The following MAP3K1 variants were observed in gnomAD, a reference collection of about 807,000 sequenced individuals.
MAP3K1 encodes MAP/ERK kinase kinase 1.
Under a neutral mutation model 144.2 loss-of-function variants are expected in MAP3K1, and 36 were observed. The observed-to-expected ratio is 0.25, with a 90% CI of 0.19 to 0.33. The LOEUF (loss-of-function observed/expected upper bound fraction) is 0.33, where lower values mean the gene tolerates loss of function less well. Among genes scored for constraint, MAP3K1 ranks in the 10% least tolerant of loss-of-function variants. The pLI is 1.00. For missense variants in MAP3K1, 1,650 were observed against 1,881.9 expected (o/e 0.88, Z 2.28); for synonymous variants, 718 against 688.7 (o/e 1.04, Z -0.67).
intron 1 of MAP3K1, among the ~76,000 whole-genome samples, chr5:56,825,899 C>G (rs535664939): frequency 2.0e-4 from 30 of 152,250 alleles, no homozygotes; most frequent in African/African-American, 7.2e-4. Context: ...TTCAGCAGCC[C>G]CTCAGAATGG....
Position 56,872,695 on chromosome 5 carries a change from C to T in MAP3K1, c.1478C>T (p.Ser493Phe). 6.2e-7 allele frequency: 1 copy of T among 1,608,214 alleles called. No homozygotes were observed. ...CCTTTAATATGTCCCCTTTGTAGAT[C>T]TAAGTGGAGATCTCATGATTTCTAC... ...REPLICPLCR[S>F]KWRSHDFYSH... The change falls in exon 8 of 20, where the codon TCT (serine) becomes TTT (phenylalanine). Residue 493 changes from serine to phenylalanine, a missense_variant. Around this residue, in one of 6 missense-constraint regions of MAP3K1, gnomAD observed 841 missense variants for 886.5 expected, o/e 0.95. Transcript: ENST00000399503.
intron 1 of MAP3K1, among the ~76,000 whole-genome samples, chr5:56,833,312 CA>C (rs1270579351): frequency 6.6e-6 from 1 of 152,236 alleles, no homozygotes; most frequent in Non-Finnish European, 1.5e-5. Flanking sequence ...TTAATACATA[CA>C]TTTTTTTGCC....
chr5:56,832,989 A>T (rs1438438684), intron 1 of MAP3K1, among the ~76,000 whole-genome samples: 3 of 152,212 alleles, frequency 2.0e-5, no homozygotes, highest in Non-Finnish European at 4.4e-5. Flanking sequence ...CTCCTGCCTC[A>T]GCCTCCCTAG....
At position 56,884,742 on chromosome 5, in the gene MAP3K1, C is replaced by A; in HGVS notation, c.3898C>A (p.His1300Asn). The A allele has an allele frequency of 6.2e-7, 1 of 1,613,650 alleles. No homozygotes were observed. The highest frequency in any genetic ancestry group is 2.2e-5 in the East Asian group (1 of 44,794). ...AAGAGAAGAGATAAGAATGATGAGC[C>A]ATCTGAATCATCCAAACATCATTAG... ...ALREEIRMMS[H>N]LNHPNIIRML... The change falls in exon 16 of 20, where the codon CAT (histidine) becomes AAT (asparagine). Residue 1300 changes from histidine to asparagine, a missense_variant. Physicochemically the swap from His to Asn is moderately conservative, Grantham distance 68. Transcript: ENST00000399503.
chr5:56,892,307 TC>T, intron 19 of MAP3K1, among the ~76,000 whole-genome samples: 1 of 152,314 alleles, frequency 6.6e-6, no homozygotes, highest in Non-Finnish European at 1.5e-5. Context: ...GAATGGGAGT[TC>T]ACTCATGATT....
At chr5:56,866,813 T>G (rs902845194) in intron 6 of MAP3K1, among the ~76,000 whole-genome samples, 18 of 152,156 alleles carry the variant, frequency 1.2e-4, no homozygotes, top group Admixed American at 1.0e-3. Context: ...AAAGTAAATG[T>G]TTGAAGAATT....
intron 1 of MAP3K1, among the ~76,000 whole-genome samples, chr5:56,838,530 G>T (rs1746721011): frequency 6.6e-6 from 1 of 152,188 alleles, no homozygotes; most frequent in South Asian, 2.1e-4. Flanking sequence ...ACTATATTTA[G>T]GACAGGATGT....
chr5:56,867,646 T>C (rs1436135709), intron 6 of MAP3K1, among the ~76,000 whole-genome samples: 2 of 152,210 alleles, frequency 1.3e-5, no homozygotes, highest in Non-Finnish European at 2.9e-5. Flanking sequence ...GTAATTCAGT[T>C]ATTGTAAGCA....
Position 56,815,626 on chromosome 5 carries a change from G to C in MAP3K1, c.53G>C (p.Arg18Thr), listed in dbSNP as rs974164827. The C allele has an allele frequency of 1.5e-6, 2 of 1,317,162 alleles. No homozygotes were observed. Among genetic ancestry groups the C allele is most frequent in the East Asian group, 3.1e-5 (1 of 31,984 alleles). 81.6% of individuals were successfully genotyped at this position (1,317,162 alleles called of 1,614,324 possible). ...RASSSGFPGA[R>T]ATSPEAGGGG... ...TCGTCGTCGGGATTCCCGGGCGCCA[G>C]GGCTACGAGCCCTGAGGCAGGCGGC... Residue 18 changes from arginine (R) to threonine (T), a missense_variant, in exon 1 of 20, where the codon AGG becomes ACG. This residue lies in a region of MAP3K1 where 360 missense variants were observed against 274.7 expected (regional missense o/e 1.31). Coordinates refer to ENST00000399503, the MANE Select transcript of MAP3K1 (RefSeq NM_005921.2).
chr5:56,831,941 G>A (rs1406890296), intron 1 of MAP3K1, among the ~76,000 whole-genome samples: 1 of 152,188 alleles, frequency 6.6e-6, no homozygotes, highest in East Asian at 1.9e-4. Context: ...GTTGGAGAGG[G>A]AATTGCCAGG....
chr5:56,888,299 G>C lies in MAP3K1; in HGVS notation c.4331G>C (p.Cys1444Ser), dbSNP rs754896952. 1 of 1,613,910 alleles carries C rather than the reference G, an allele frequency of 6.2e-7. No individual in the cohort carries two copies. Among genetic ancestry groups the C allele is most frequent in the East Asian group, 2.2e-5 (1 of 44,858 alleles). ...GGCTGTGCTATTATAGAAATGGCTT[G>C]TGCAAAACCACCATGGAATGCAGAA... ...SVGCAIIEMACAKPPWNAEKH... is the reference protein window; with the variant it reads ...SVGCAIIEMASAKPPWNAEKH... The change falls in exon 19 of 20, where the codon TGT becomes TCT. Residue 1444 changes from cysteine to serine, a missense_variant. Physicochemically the swap from Cys to Ser is moderately radical, Grantham distance 112. Around this residue, in one of 6 missense-constraint regions of MAP3K1, gnomAD observed 165 missense variants for 322.9 expected, o/e 0.51. Coordinates refer to ENST00000399503, the MANE Select transcript of MAP3K1 (RefSeq NM_005921.2).
intron 11 of MAP3K1, among the ~76,000 whole-genome samples, chr5:56,880,050 A>T (rs140867119): frequency 1.8e-3 from 274 of 152,302 alleles, no homozygotes; most frequent in African/African-American, 6.4e-3. Flanking sequence ...AAAATATTGG[A>T]TGTTTCCTTG....
chr5:56,879,197 T>C, intron 11 of MAP3K1, 96 bp downstream of exon 11: 1 of 1,385,024 alleles, frequency 7.2e-7, no homozygotes, highest in South Asian at 1.2e-5. Flanking sequence ...TACATTTTAT[T>C]AAATGAGTCT....
chr5:56,852,289 G>A (rs33332), intron 1 of MAP3K1, among the ~76,000 whole-genome samples: 1,875 of 152,264 alleles, frequency 0.012, 20 homozygotes, highest in Non-Finnish European at 0.018. Flanking sequence ...ACCTACAAGA[G>A]AGTTAGCACA....
At chr5:56,820,435 G>A (rs1274202397) in intron 1 of MAP3K1, 53 of 984,606 alleles carry the variant, frequency 5.4e-5, no homozygotes, top group Non-Finnish European at 6.3e-5. Context: ...TAGACCATGA[G>A]CTAGGTCTCT....
At position 56,891,981 on chromosome 5, in the gene MAP3K1, T is replaced by G. The variant is rs1382639192; in HGVS notation, c.4390-1550T>G. Among the ~76,000 whole-genome samples the G allele has an allele frequency of 3.4e-4, 52 of 152,204 alleles. 1 individual carries two copies. Among genetic ancestry groups the G allele is most frequent in the Admixed American group, 3.4e-3 (52 of 15,278 alleles). Reference sequence around the variant, plus strand: ...AGTCAGGTAGCATGATGCCTCCAGCTTTGTTCTTTTGGCTTAGGATTGACT... The same window carrying G: ...AGTCAGGTAGCATGATGCCTCCAGCGTTGTTCTTTTGGCTTAGGATTGACT... On this transcript the variant is annotated intron_variant, in intron 19 of 19. Transcript: ENST00000399503.
chr5:56,896,024 G>A lies in MAP3K1; in HGVS notation c.*2344G>A, dbSNP rs1748692915. The A allele has an allele frequency of 9.1e-6, 2 of 219,808 alleles. No homozygotes were observed. The highest frequency in any genetic ancestry group is 6.5e-5 in the East Asian group (1 of 15,298). 13.6% of individuals were successfully genotyped at this position (219,808 alleles called of 1,614,324 possible). A position where few individuals can be genotyped will look rare whatever the true frequency, so the allele number is the denominator to read the frequency against. ...TGGGTTAAGAAAATTTGGCTTAAAT[G>A]TATCCTTTGTTATTTTAAATATATT... On this transcript the variant is annotated 3_prime_UTR_variant, in exon 20 of 20. Coordinates refer to ENST00000399503, the MANE Select transcript of MAP3K1 (RefSeq NM_005921.2).
chr5:56,849,409 C>T (rs906665668), intron 1 of MAP3K1, among the ~76,000 whole-genome samples: 3 of 151,592 alleles, frequency 2.0e-5, no homozygotes, highest in African/African-American at 7.3e-5. Context: ...GGATATTTAC[C>T]CTATGGGGGG....
intron 1 of MAP3K1, among the ~76,000 whole-genome samples, chr5:56,828,653 A>G (rs1049952252): frequency 2.0e-5 from 3 of 152,238 alleles, no homozygotes; most frequent in Non-Finnish European, 2.9e-5. Flanking sequence ...AAAATAAATT[A>G]GGTCAAAGTC....
Sources: gnomAD v4.1 joint callset for allele counts (sites outside exome capture counted in the v4.1 genomes callset) on GRCh38, gnomAD v4.1.1 for gene constraint, gnomAD v4.1.1 regional missense constraint, MANE v1.5 for transcripts, NCBI Gene and HGNC (gene_info 2026-07-23, HGNC 2026-07-21) for gene names.